The following KIF2C variants were observed in gnomAD, a reference collection of about 807,000 sequenced individuals.
The protein encoded by KIF2C is kinesin family member 2C.
KIF2C carries 34 observed loss-of-function variants against 97.4 expected under a neutral mutation model. The observed-to-expected ratio is 0.35, with a 90% CI of 0.27 to 0.46. KIF2C has a LOEUF of 0.46. KIF2C is among the 20% of genes least tolerant of loss of function. KIF2C has a pLI of 1.00. For synonymous variants in KIF2C, 313 were observed against 318.2 expected (o/e 0.98, Z 0.17); for missense variants, 750 against 907.6 (o/e 0.83, Z 2.23).
At chr1:44,747,584 T>C in intron 3 of KIF2C, 68 bp from the exon 4 acceptor site, 2 of 1,562,904 alleles carry the variant, frequency 1.3e-6, no homozygotes, top group South Asian at 2.3e-5. Context: ...GCATAGTACA[T>C]GGGCCCAGGA....
Position 44,767,228 on chromosome 1 carries a change from G to A in KIF2C, c.*49G>A. On this transcript the variant is annotated 3_prime_UTR_variant, in exon 21 of 21. Coordinates refer to ENST00000372224, the MANE Select transcript of KIF2C (RefSeq NM_006845.4). ...GGTTTGACACCCAGCCTCTTCCCTG[G>A]CCCTCCCCAGAGAACTTTGGGTACC... is the stretch of plus-strand genomic sequence containing the variant. The A allele has an allele frequency of 1.3e-6, 2 of 1,550,414 alleles. No homozygotes were observed. The highest frequency in any genetic ancestry group is 1.8e-6 in the Non-Finnish European group (2 of 1,124,094).
rs142577755 is a variant in KIF2C, at chr1:44,764,841, C to T, written c.1972-1985C>T. Reference sequence around the variant, plus strand: ...TATTATTTAAAAAGAATCATTTGACCGGGCGCAATGGCTCACGCCTGTAAT... The same window carrying T: ...TATTATTTAAAAAGAATCATTTGACTGGGCGCAATGGCTCACGCCTGTAAT... On this transcript the variant is annotated intron_variant, in intron 19 of 20. Transcript: ENST00000372224. Among the ~76,000 whole-genome samples, 251 of 152,244 alleles carry T rather than the reference C, an allele frequency of 1.6e-3. 1 individual carries two copies. The highest frequency in any genetic ancestry group is 5.6e-3 in the African/African-American group (232 of 41,574).
At position 44,767,137 on chromosome 1, in the gene KIF2C, G is replaced by A. The variant is rs1317599767; in HGVS notation, c.2136G>A (p.Glu712=). 5 of 1,614,090 alleles carry A rather than the reference G, an allele frequency of 3.1e-6. No individual in the cohort carries two copies. The highest frequency in any genetic ancestry group is 1.1e-5 in the South Asian group (1 of 91,082). Reference sequence around the variant, plus strand: ...TGCGCCTGGCCATGCAGCTGGAAGAGCAGGCTAGCAGACAAATAAGCAGCA... The same window carrying A: ...TGCGCCTGGCCATGCAGCTGGAAGAACAGGCTAGCAGACAAATAAGCAGCA... ...KALRLAMQLE[E]QASRQISSKK... The change falls in exon 21 of 21, where the codon GAG becomes GAA. Residue 712 remains glutamate, a synonymous_variant. Transcript: ENST00000372224.
Position 44,757,586 on chromosome 1 carries a change from C to A in KIF2C, c.1008C>A (p.Ile336=), listed in dbSNP as rs1267670218. The A allele has an allele frequency of 3.7e-6, 6 of 1,613,624 alleles. No homozygotes were observed. The highest frequency in any genetic ancestry group is 5.1e-6 in the Non-Finnish European group (6 of 1,179,532). Residue 336 remains isoleucine (I), a synonymous_variant, in exon 11 of 21, where the codon ATC becomes ATA. Transcript: ENST00000372224. ...RFTARPLVQT[I]FEGGKATCFA... is the part of the protein sequence containing the mutation. ...CAGCAAGGCCACTGGTACAGACAAT[C>A]TTTGAAGGTGGAAAAGCAACTTGTT...
rs201647887 is a variant in KIF2C, at chr1:44,767,169, G to A, written c.2168G>A (p.Arg723Gln). The change falls in exon 21 of 21, where the codon CGG (arginine) becomes CAG (glutamine). Residue 723 changes from arginine (R) to glutamine (Q), a missense_variant. Arg to Gln is a conservative substitution (Grantham distance 43). Transcript: ENST00000372224. ...AGCAGACAAATAAGCAGCAAGAAAC[G>A]GCCCCAGTGACGACTGCAAATAAAA... ...QASRQISSKKRPQ is the reference protein window; with the variant it reads ...QASRQISSKKQPQ 17 of 1,614,024 alleles carry A rather than the reference G, an allele frequency of 1.1e-5. No homozygotes were observed. Among genetic ancestry groups the A allele is most frequent in the African/African-American group, 5.3e-5 (4 of 75,044 alleles).
rs756544627 is a variant in KIF2C at position 44,759,289 on chromosome 1, G to A, written c.1308G>A (p.Glu436=). 5 of 1,614,102 alleles carry A rather than the reference G, an allele frequency of 3.1e-6. No individual in the cohort carries two copies. The highest frequency in any genetic ancestry group is 2.7e-5 in the African/African-American group (2 of 74,932). ...KQQVQVVGLQ[E]HLVNSADDVI... Reference sequence around the variant, plus strand: ...AGGTGCAAGTGGTGGGGCTGCAGGAGCATCTGGTTAACTCTGCTGATGATG... The same window carrying A: ...AGGTGCAAGTGGTGGGGCTGCAGGAACATCTGGTTAACTCTGCTGATGATG... The change falls in exon 14 of 21, where the codon GAG becomes GAA. Residue 436 remains glutamate (E), a synonymous_variant. Coordinates refer to ENST00000372224, the MANE Select transcript of KIF2C (RefSeq NM_006845.4).
chr1:44,757,022 A>G (rs933179070), intron 10 of KIF2C, among the ~76,000 whole-genome samples: 6 of 151,902 alleles, frequency 3.9e-5, no homozygotes, highest in Non-Finnish European at 8.8e-5. Flanking sequence ...GGTTCAAGCA[A>G]TTCTCCTGCC....
In KIF2C at chr1:44,754,815, G is replaced by A. The variant is rs776589447; in HGVS notation, c.729G>A (p.Leu243=). The A allele has an allele frequency of 6.2e-7, 1 of 1,612,370 alleles. No homozygotes were observed. The highest frequency in any genetic ancestry group is 8.5e-7 in the Non-Finnish European group (1 of 1,178,488). The change falls in exon 8 of 21, where the codon TTG becomes TTA. Residue 243 remains leucine, a synonymous_variant. Coordinates refer to ENST00000372224, the MANE Select transcript of KIF2C (RefSeq NM_006845.4). ...ARMIKEFRAT[L]ECHPLTMTDP... ...TGATTAAAGAATTTCGGGCTACTTT[G>A]GAATGTCATCCACTTACTATGACTG...
At chr1:44,757,445 C>CT in intron 10 of KIF2C, 111 bp from the exon 11 acceptor site, 1 of 726,826 alleles carries the variant, frequency 1.4e-6, no homozygotes, top group Non-Finnish European at 2.5e-6. Flanking sequence ...GAGAGGAGTG[C>CT]TATTCTTAGA....
chr1:44,759,447 T>C, intron 14 of KIF2C, 99 bp downstream of exon 14: 2 of 1,489,158 alleles, frequency 1.3e-6, no homozygotes, highest in Non-Finnish European at 1.8e-6. Flanking sequence ...AGTGCTGCTT[T>C]GCCCAGTTTG....
intron 19 of KIF2C, among the ~76,000 whole-genome samples, 177 bp from the exon 20 acceptor site, chr1:44,766,648 GT>G (rs1428180148): frequency 1.3e-5 from 2 of 152,154 alleles, no homozygotes; most frequent in Non-Finnish European, 2.9e-5. Flanking sequence ...CAAGCTTGGG[GT>G]AGGAAGAGGG....
intron 4 of KIF2C, among the ~76,000 whole-genome samples, chr1:44,747,926 C>G (rs1162510382): frequency 6.6e-6 from 1 of 152,236 alleles, no homozygotes; most frequent in Non-Finnish European, 1.5e-5. Flanking sequence ...GGCCTAGAAA[C>G]CTTTTCTGTA....
chr1:44,759,430 T>G, intron 14 of KIF2C, 82 bp downstream of exon 14: 1 of 1,550,776 alleles, frequency 6.4e-7, no homozygotes, highest in Non-Finnish European at 8.8e-7. Flanking sequence ...CATTTCTGTT[T>G]ACCCAGAGTG....
chr1:44,744,536 T>C (rs1649085552), intron 2 of KIF2C, among the ~76,000 whole-genome samples: 1 of 152,360 alleles, frequency 6.6e-6, no homozygotes. Context: ...TACACTCTTA[T>C]TCCTTTCTCC....
intron 18 of KIF2C, 21 bp from the exon 19 acceptor site, chr1:44,762,524 C>T (rs1419606864): frequency 4.3e-6 from 7 of 1,611,814 alleles, no homozygotes; most frequent in South Asian, 3.3e-5. Flanking sequence ...ACATAATTGT[C>T]TTTCTTTTTG....
At chr1:44,746,442 A>T in intron 2 of KIF2C, 3 of 1,162,992 alleles carry the variant, frequency 2.6e-6, no homozygotes, top group Non-Finnish European at 3.2e-6. Context: ...GGCCCAGAAG[A>T]AAATGTAGGT....
In KIF2C at chr1:44,755,938, C is replaced by G. The variant is rs765793430; in HGVS notation, c.769C>G (p.His257Asp). Residue 257 changes from histidine (H) to aspartate (D), a missense_variant, in exon 9 of 21, where the codon CAC becomes GAC. Physicochemically the swap from His to Asp is moderately conservative, Grantham distance 81. Transcript: ENST00000372224. ...TCTCATCCGCTTGCAGATCGAAGAG[C>G]ACAGAATATGTGTCTGTGTTAGGAA... is the stretch of plus-strand genomic sequence containing the variant. ...PLTMTDPIEE[H>D]RICVCVRKRP... The G allele has an allele frequency of 1.9e-5, 31 of 1,613,864 alleles. No homozygotes were observed. The East Asian group carries it at 6.2e-4, about 32-fold the overall frequency.
At chr1:44,750,018 G>T (rs1649421594) in intron 4 of KIF2C, among the ~76,000 whole-genome samples, 1 of 149,424 alleles carries the variant, frequency 6.7e-6, no homozygotes, top group African/African-American at 2.5e-5. Context: ...GGAGGTGGAG[G>T]TTGCAGTGAG....
At chr1:44,745,464 C>CCT (rs1649138529) in intron 2 of KIF2C, among the ~76,000 whole-genome samples, 1 of 38,348 alleles carries the variant, frequency 2.6e-5, no homozygotes, top group African/African-American at 1.2e-4. Context: ...TTGTATATGT[C>CCT]TTTTTTTTTT....
Sources: gnomAD v4.1 joint callset for allele counts (sites outside exome capture counted in the v4.1 genomes callset) on GRCh38, gnomAD v4.1.1 for gene constraint, MANE v1.5 for transcripts, NCBI Gene and HGNC (gene_info 2026-07-23, HGNC 2026-07-21) for gene names.